ZNF609: variants seen among roughly 807,000 people sequenced by gnomAD.
ZNF609 encodes zinc finger protein 609.
Under a neutral mutation model 109.5 loss-of-function variants are expected in ZNF609, and 11 were observed. That is an observed-to-expected ratio of 0.10 (90% CI 0.06 to 0.17). The LOEUF is 0.17. Ranked by LOEUF, ZNF609 falls within the 10% of genes least tolerant of loss-of-function variation. The probability of loss-of-function intolerance (pLI) is 1.00; values close to 1 mark genes in which losing one functional copy is unlikely to be tolerated. For synonymous variants in ZNF609, 646 were observed against 662.0 expected, an observed-to-expected ratio of 0.98 and a Z score of 0.37; for missense variants, 1,559 against 1,772.4, an observed-to-expected ratio of 0.88 and a Z score of 2.16.
At chr15:64,461,716 T>C (rs1019800714) in intron 1 of ZNF609, among the ~76,000 whole-genome samples, 6 of 152,168 alleles carry the variant, frequency 3.9e-5, no homozygotes, top group Admixed American at 6.5e-5. Flanking sequence ...TTAAATTCTC[T>C]AAGAAACAGC....
intron 1 of ZNF609, among the ~76,000 whole-genome samples, chr15:64,466,603 C>G (rs1358823127): frequency 1.3e-5 from 2 of 152,186 alleles, no homozygotes; most frequent in Admixed American, 6.5e-5. Context: ...TTGCAGTGAT[C>G]TACCTAAAGC....
At chr15:64,572,060 A>G (rs557798936) in intron 2 of ZNF609, among the ~76,000 whole-genome samples, 3 of 152,322 alleles carry the variant, frequency 2.0e-5, no homozygotes, top group African/African-American at 2.4e-5. Flanking sequence ...CTGAAAGATA[A>G]AAAGCTAGGT....
intron 2 of ZNF609, among the ~76,000 whole-genome samples, chr15:64,536,687 G>T (rs528012788): frequency 8.0e-5 from 12 of 149,156 alleles, no homozygotes; most frequent in African/African-American, 3.0e-4. Flanking sequence ...GATCAGCCTG[G>T]GCAACCTAGC....
At chr15:64,639,353 T>G (rs553556778) in intron 3 of ZNF609, among the ~76,000 whole-genome samples, 35 of 152,332 alleles carry the variant, frequency 2.3e-4, no homozygotes, top group African/African-American at 8.2e-4. Flanking sequence ...ACTGAGTGGC[T>G]TAAAACAACA....
intron 3 of ZNF609, among the ~76,000 whole-genome samples, chr15:64,634,195 T>G (rs1377670859): frequency 6.6e-6 from 1 of 152,108 alleles, no homozygotes; most frequent in Non-Finnish European, 1.5e-5. Context: ...GTGACTTCTG[T>G]GTACTCTGGC....
At chr15:64,498,175 G>A (rs1385084167) in intron 1 of ZNF609, among the ~76,000 whole-genome samples, 1 of 151,942 alleles carries the variant, frequency 6.6e-6, no homozygotes, top group South Asian at 2.1e-4. Context: ...TCAGCCTCCC[G>A]AGTAGCTGGG....
intron 1 of ZNF609, among the ~76,000 whole-genome samples, chr15:64,466,408 C>T (rs1185810579): frequency 6.6e-6 from 1 of 152,148 alleles, no homozygotes; most frequent in African/African-American, 2.4e-5. Flanking sequence ...CATACACACA[C>T]GACCTAATGG....
At chr15:64,635,678 T>TA (rs1226087823) in intron 3 of ZNF609, among the ~76,000 whole-genome samples, 1 of 152,208 alleles carries the variant, frequency 6.6e-6, no homozygotes, top group African/African-American at 2.4e-5. Flanking sequence ...CCCTATTTGA[T>TA]AAAGCTGCTG....
chr15:64,467,330 T>A (rs1648917798), intron 1 of ZNF609, among the ~76,000 whole-genome samples: 1 of 152,214 alleles, frequency 6.6e-6, no homozygotes, highest in African/African-American at 2.4e-5. Context: ...TTTTCAGGAA[T>A]ACTTCCTCCC....
At chr15:64,574,438 G>A (rs2140416909) in intron 2 of ZNF609, among the ~76,000 whole-genome samples, 1 of 152,206 alleles carries the variant, frequency 6.6e-6, no homozygotes, top group South Asian at 2.1e-4. Flanking sequence ...ATTATGCAAA[G>A]CATAGAATCT....
At chr15:64,531,640 T>A (rs1338513373) in intron 2 of ZNF609, among the ~76,000 whole-genome samples, 2 of 152,022 alleles carry the variant, frequency 1.3e-5, no homozygotes, top group Non-Finnish European at 2.9e-5. Flanking sequence ...CTCAAGAACT[T>A]CCCACCTCAG....
chr15:64,611,815 C>T (rs963919128), intron 2 of ZNF609, among the ~76,000 whole-genome samples: 10 of 150,218 alleles, frequency 6.7e-5, no homozygotes, highest in Non-Finnish European at 7.4e-5. Context: ...CTCACTGCAA[C>T]CTCTGCCTCC....
At chr15:64,618,978 C>T (rs1895840764) in intron 2 of ZNF609, among the ~76,000 whole-genome samples, 1 of 152,090 alleles carries the variant, frequency 6.6e-6, no homozygotes, top group Admixed American at 6.5e-5. Flanking sequence ...GACACAGGCC[C>T]CTGATGGAGC....
chr15:64,586,350 T>C (rs1013042200), intron 2 of ZNF609, among the ~76,000 whole-genome samples: 6 of 151,380 alleles, frequency 4.0e-5, no homozygotes, highest in African/African-American at 1.5e-4. Flanking sequence ...AAAGAATAAC[T>C]TGAGCTGATA....
intron 4 of ZNF609, among the ~76,000 whole-genome samples, chr15:64,670,714 A>G (rs1195796690): frequency 1.3e-5 from 2 of 151,562 alleles, no homozygotes; most frequent in African/African-American, 4.9e-5. Context: ...CCCCGTCTCT[A>G]CTAAAAATAA....
chr15:64,666,466 C>A (rs866174287), intron 3 of ZNF609, among the ~76,000 whole-genome samples: 11 of 152,214 alleles, frequency 7.2e-5, no homozygotes, highest in Middle Eastern at 3.4e-3. Context: ...ATGAAAACAT[C>A]TAGCACATAA....
intron 1 of ZNF609, among the ~76,000 whole-genome samples, chr15:64,479,285 T>G (rs1242822010): frequency 1.8e-4 from 1 of 5,500 alleles, no homozygotes; most frequent in Non-Finnish European, 4.6e-4. Context: ...ACCTGTGTGA[T>G]TTTTTTTTTT....
chr15:64,475,797 G>T (rs1367963061), intron 1 of ZNF609, among the ~76,000 whole-genome samples: 2 of 152,168 alleles, frequency 1.3e-5, no homozygotes, highest in African/African-American at 2.4e-5. Context: ...TCTTAGCCCA[G>T]TGCTTCTTTG....
At chr15:64,669,023 C>G (rs920811414) in intron 3 of ZNF609, among the ~76,000 whole-genome samples, 1 of 130,808 alleles carries the variant, frequency 7.6e-6, no homozygotes, top group African/African-American at 2.8e-5. Context: ...CATAATTTTT[C>G]TTTTATCAGA....
Sources: gnomAD v4.1 joint callset for allele counts (sites outside exome capture counted in the v4.1 genomes callset) on GRCh38, gnomAD v4.1.1 for gene constraint, MANE v1.5 for transcripts, NCBI Gene and HGNC (gene_info 2026-07-23, HGNC 2026-07-21) for gene names.